ARB2A: variants seen among roughly 807,000 people sequenced by gnomAD.
ARB2A encodes ARB2 cotranscriptional regulator A.
At chr5:93,865,551 A>C in the ARB2A span, 1 of 985,404 alleles carries the variant, frequency 1.0e-6, no homozygotes, top group Non-Finnish European at 1.2e-6. Context: ...AGGTATCTTG[A>C]AAGTACTAAA....
At chr5:94,069,918 C>G in the ARB2A span, among the ~76,000 whole-genome samples, 1 of 152,078 alleles carries the variant, frequency 6.6e-6, no homozygotes. Context: ...ACCATACAAG[C>G]CAGCATGTGC....
chr5:94,065,067 A>T, the ARB2A span, among the ~76,000 whole-genome samples: 3 of 152,390 alleles, frequency 2.0e-5, no homozygotes, highest in South Asian at 6.2e-4. Flanking sequence ...AAGCCCTCGC[A>T]TATCAATAAT....
the ARB2A span, among the ~76,000 whole-genome samples, chr5:93,923,871 G>A: frequency 6.6e-6 from 1 of 152,110 alleles, no homozygotes; most frequent in African/African-American, 2.4e-5. Flanking sequence ...CCCTTTAAGT[G>A]AAACATGTTA....
chr5:93,731,405 C>T, the ARB2A span, among the ~76,000 whole-genome samples: 3 of 152,162 alleles, frequency 2.0e-5, no homozygotes, highest in Admixed American at 6.5e-5. Flanking sequence ...AGATCCTTCC[C>T]TCAAAACCCT....
the ARB2A span, among the ~76,000 whole-genome samples, chr5:94,072,605 T>G: frequency 6.6e-6 from 1 of 151,814 alleles, no homozygotes; most frequent in African/African-American, 2.4e-5. Context: ...TAGAGGGCGG[T>G]GGTAAATAAA....
the ARB2A span, chr5:93,738,454 C>T: frequency 6.6e-6 from 1 of 152,146 alleles, no homozygotes; most frequent in African/African-American, 2.4e-5. Context: ...TGTATACATC[C>T]AAGAGAACTG....
chr5:93,787,381 T>C, the ARB2A span, among the ~76,000 whole-genome samples: 3 of 152,206 alleles, frequency 2.0e-5, no homozygotes, highest in Admixed American at 1.3e-4. Flanking sequence ...CATGGCTTAA[T>C]AGGATATACA....
At chr5:93,773,236 A>C in the ARB2A span, among the ~76,000 whole-genome samples, 6 of 152,188 alleles carry the variant, frequency 3.9e-5, no homozygotes, top group Admixed American at 3.9e-4. Flanking sequence ...AATTCCTTTG[A>C]ACTGGAAGTT....
chr5:93,899,413 T>C, the ARB2A span, among the ~76,000 whole-genome samples: 2 of 152,088 alleles, frequency 1.3e-5, no homozygotes, highest in Non-Finnish European at 2.9e-5. Context: ...GGTGATCAAG[T>C]TTCCCTATAT....
At chr5:93,843,719 A>C in the ARB2A span, among the ~76,000 whole-genome samples, 126 of 152,310 alleles carry the variant, frequency 8.3e-4, no homozygotes, top group African/African-American at 3.0e-3. Context: ...GCAAAACAGC[A>C]GAAGTGAAAA....
the ARB2A span, among the ~76,000 whole-genome samples, chr5:93,845,486 G>C: frequency 6.6e-6 from 1 of 151,744 alleles, no homozygotes; most frequent in African/African-American, 2.4e-5. Flanking sequence ...TCATTCATCA[G>C]AGAGTAATCT....
At chr5:93,952,753 A>T in the ARB2A span, among the ~76,000 whole-genome samples, 1 of 152,024 alleles carries the variant, frequency 6.6e-6, no homozygotes, top group Non-Finnish European at 1.5e-5. Flanking sequence ...TTTTGAAAAA[A>T]CTTTCTACCT....
chr5:94,104,328 C>A, the ARB2A span, among the ~76,000 whole-genome samples: 7 of 151,442 alleles, frequency 4.6e-5, no homozygotes, highest in African/African-American at 1.7e-4. Flanking sequence ...AACATTACAA[C>A]TGACCCCACA....
the ARB2A span, among the ~76,000 whole-genome samples, chr5:93,829,336 C>G: frequency 6.6e-6 from 1 of 152,134 alleles, no homozygotes; most frequent in Non-Finnish European, 1.5e-5. Flanking sequence ...CTGCATTTGT[C>G]CAGATAGTGA....
At chr5:93,651,355 C>G in the ARB2A span, among the ~76,000 whole-genome samples, 1 of 152,028 alleles carries the variant, frequency 6.6e-6, no homozygotes, top group Non-Finnish European at 1.5e-5. Context: ...AGGCTGGTCT[C>G]AAACTCCTGG....
chr5:93,718,978 TC>T, the ARB2A span, among the ~76,000 whole-genome samples: 1 of 152,176 alleles, frequency 6.6e-6, no homozygotes, highest in East Asian at 1.9e-4. Flanking sequence ...TGATTTCCAT[TC>T]TTTAGGCAAC....
the ARB2A span, among the ~76,000 whole-genome samples, chr5:93,687,437 G>C: frequency 6.6e-6 from 1 of 152,018 alleles, no homozygotes; most frequent in East Asian, 1.9e-4. Context: ...CTTCAAAACT[G>C]TTAATATTAG....
chr5:93,730,022 A>G, the ARB2A span, among the ~76,000 whole-genome samples: 1 of 152,208 alleles, frequency 6.6e-6, no homozygotes, highest in Admixed American at 6.6e-5. Flanking sequence ...CATGGTGTAT[A>G]TATGTGCACA....
At chr5:93,627,117 T>C in the ARB2A span, among the ~76,000 whole-genome samples, 1 of 152,246 alleles carries the variant, frequency 6.6e-6, no homozygotes, top group Non-Finnish European at 1.5e-5. Context: ...CATCTCTTAA[T>C]GTTTTATCAT....
Sources: gnomAD v4.1 joint callset for allele counts (sites outside exome capture counted in the v4.1 genomes callset) on GRCh38, gnomAD v4.1.1 for gene constraint, MANE v1.5 for transcripts, NCBI Gene and HGNC (gene_info 2026-07-23, HGNC 2026-07-21) for gene names.